The following BMP10 variants were observed in gnomAD, a reference collection of about 807,000 sequenced individuals.
BMP10 encodes bone morphogenetic protein 10.
BMP10 carries 9 observed loss-of-function variants against 29.9 expected under a neutral mutation model. The ratio of observed to expected loss-of-function variants is 0.30; its 90% CI spans 0.18 to 0.53. The LOEUF is 0.53. BMP10 is among the 20% of genes least tolerant of loss of function. BMP10 has a pLI of 0.96. For missense variants in BMP10, 474 were observed against 524.3 expected (o/e 0.90, Z 0.94); for synonymous variants, 202 against 200.2 (o/e 1.01, Z -0.07).
intron 1 of BMP10, among the ~76,000 whole-genome samples, chr2:68,868,867 T>C (rs905361112): frequency 2.0e-5 from 3 of 152,252 alleles, no homozygotes; most frequent in African/African-American, 7.2e-5. Flanking sequence ...ATGTTACATA[T>C]GTCAACACCT....
rs1682846673 is a variant in BMP10 at position 68,861,138 on chromosome 2, C to A, written c.*4493G>T. Among the ~76,000 whole-genome samples, 2 of 152,164 alleles carry A rather than the reference C, an allele frequency of 1.3e-5. No individual in the cohort carries two copies. Among genetic ancestry groups the A allele is most frequent in the South Asian group, 4.1e-4 (2 of 4,822 alleles). On this transcript the variant is annotated 3_prime_UTR_variant, in exon 2 of 2. Transcript: ENST00000295379. ...CACAGGGTAAAATATTTATTTCCAT[C>A]TTCATTTTAGTCTAGTGATAACTAT...
Position 68,863,085 on chromosome 2 carries a change from G to GGTGCTAATGTCAGCGGT in BMP10, c.*2529_*2545dup. On this transcript the variant is annotated 3_prime_UTR_variant, in exon 2 of 2. Coordinates refer to ENST00000295379, the MANE Select transcript of BMP10 (RefSeq NM_014482.3). ...CACATCCTTAACATTCTAGTATCAG[G>GGTGCTAATGTCAGCGGT]GTGCTAATGTCAGCGGTGTGCTAAT... Among the ~76,000 whole-genome samples the GGTGCTAATGTCAGCGGT allele has an allele frequency of 6.6e-6, 1 of 152,170 alleles. No homozygotes were observed. The highest frequency in any genetic ancestry group is 1.9e-4 in the East Asian group (1 of 5,194).
At chr2:68,867,011 G>A (rs567241259) in intron 1 of BMP10, among the ~76,000 whole-genome samples, 1 of 152,222 alleles carries the variant, frequency 6.6e-6, no homozygotes, top group South Asian at 2.1e-4. Flanking sequence ...TTTAATATTT[G>A]TGTTTGTAGT....
rs1022568074 is a variant in BMP10, at chr2:68,862,946, G to T, written c.*2685C>A. Among the ~76,000 whole-genome samples the T allele has an allele frequency of 1.3e-5, 2 of 152,144 alleles. No individual in the cohort carries two copies. Among genetic ancestry groups the T allele is most frequent in the African/African-American group, 4.8e-5 (2 of 41,436 alleles). ...AACAACTGGGCTATGCAGCCTGATCGCCAACAGCCTATATTTTCATATCTC... is the reference window on the plus strand; with the variant it reads ...AACAACTGGGCTATGCAGCCTGATCTCCAACAGCCTATATTTTCATATCTC... On this transcript the variant is annotated 3_prime_UTR_variant, in exon 2 of 2. Coordinates refer to ENST00000295379, the MANE Select transcript of BMP10 (RefSeq NM_014482.3).
At chr2:68,870,687 A>C (rs963738687) in intron 1 of BMP10, among the ~76,000 whole-genome samples, 2 of 152,244 alleles carry the variant, frequency 1.3e-5, no homozygotes, top group African/African-American at 4.8e-5. Context: ...ATCAAGGCCT[A>C]TTTGGAAAAT....
chr2:68,869,398 T>A (rs1367474130), intron 1 of BMP10, among the ~76,000 whole-genome samples: 1 of 152,204 alleles, frequency 6.6e-6, no homozygotes, highest in Non-Finnish European at 1.5e-5. Flanking sequence ...ATTTCTGTCC[T>A]CAGGCTGCAC....
chr2:68,869,485 A>C (rs1484979629), intron 1 of BMP10, among the ~76,000 whole-genome samples: 2 of 152,194 alleles, frequency 1.3e-5, no homozygotes, highest in Admixed American at 1.3e-4. Context: ...AATAATCTCC[A>C]GTAATAATAA....
rs142333690 is a variant in BMP10, at chr2:68,864,007, G to T, written c.*1624C>A. Among the ~76,000 whole-genome samples the T allele has an allele frequency of 2.4e-3, 362 of 152,238 alleles. 3 individuals are homozygous for T. Among genetic ancestry groups the T allele is most frequent in the African/African-American group, 8.5e-3 (352 of 41,542 alleles). On this transcript the variant is annotated 3_prime_UTR_variant, in exon 2 of 2. Transcript: ENST00000295379. The stretch of plus-strand genomic sequence containing the variant: ...GCTCTGCTCTGCTCTGGTTCCTCCT[G>T]CACAAAGCCCAGAATATGCTTGCCA...
Position 68,866,060 on chromosome 2 carries a change from C to T in BMP10, c.846G>A (p.Leu282=), listed in dbSNP as rs1682946121. 1 of 1,614,012 alleles carries T rather than the reference C, an allele frequency of 6.2e-7. No individual in the cohort carries two copies. Among genetic ancestry groups the T allele is most frequent in the Admixed American group, 1.7e-5 (1 of 59,984 alleles). Residue 282 remains leucine (L), a synonymous_variant, in exon 2 of 2, where the codon CTG becomes CTA. Coordinates refer to ENST00000295379, the MANE Select transcript of BMP10 (RefSeq NM_014482.3). ...AAAAGCTATCCAGGCCCAAGTTGTC[C>T]AGCTCTGGAAGTTGCTCATGGGAAA... ...EMISHEQLPE[L]DNLGLDSFSS...
At chr2:68,870,895 G>A (rs963492039) in intron 1 of BMP10, 130 bp downstream of exon 1, 4 of 800,108 alleles carry the variant, frequency 5.0e-6, no homozygotes, top group East Asian at 2.6e-5. Context: ...CCTTGTTTTT[G>A]TGTATCCATA....
Position 68,871,369 on chromosome 2 carries a change from G to A in BMP10, c.-11C>T, listed in dbSNP as rs749193147. 7 of 1,610,500 alleles carry A rather than the reference G, an allele frequency of 4.3e-6. No individual in the cohort carries two copies. Among genetic ancestry groups the A allele is most frequent in the East Asian group, 4.5e-5 (2 of 44,800 alleles). On this transcript the variant is annotated 5_prime_UTR_variant, in exon 1 of 2. Transcript: ENST00000295379. ...GACCAGAGAGCCCATGACTCCGCTCGAGCTCCTAGGCCAAGCCAGGAAGGT... is the reference window on the plus strand; with the variant it reads ...GACCAGAGAGCCCATGACTCCGCTCAAGCTCCTAGGCCAAGCCAGGAAGGT...
In BMP10 at chr2:68,861,850, G is replaced by A. The variant is rs1342565073; in HGVS notation, c.*3781C>T. Among the ~76,000 whole-genome samples, 1 of 152,086 alleles carries A rather than the reference G, an allele frequency of 6.6e-6. No homozygotes were observed. Among genetic ancestry groups the A allele is most frequent in the East Asian group, 1.9e-4 (1 of 5,194 alleles). On this transcript the variant is annotated 3_prime_UTR_variant, in exon 2 of 2. Transcript: ENST00000295379. ...TCCCCGGACCAAAATTTACACATCAGGAAAGAATTCGGCACTTTGGGGCTG... is the reference window on the plus strand; with the variant it reads ...TCCCCGGACCAAAATTTACACATCAAGAAAGAATTCGGCACTTTGGGGCTG...
In BMP10 at chr2:68,864,640, T is replaced by C. The variant is rs13401986; in HGVS notation, c.*991A>G. On this transcript the variant is annotated 3_prime_UTR_variant, in exon 2 of 2. Transcript: ENST00000295379. Reference sequence around the variant, plus strand: ...GAGACAAGGGAACAGTGTTAACAGGTGAAGAAAGATATTAACATCCTTTCT... The same window carrying C: ...GAGACAAGGGAACAGTGTTAACAGGCGAAGAAAGATATTAACATCCTTTCT... Among the ~76,000 whole-genome samples the C allele has an allele frequency of 0.1, 15,222 of 152,160 alleles. 1,036 individuals carry two copies. The highest frequency in any genetic ancestry group is 0.2 in the African/African-American group (8,142 of 41,476).
chr2:68,866,690 G>T, intron 1 of BMP10, 119 bp from the exon 2 acceptor site: 1 of 763,110 alleles, frequency 1.3e-6, no homozygotes, highest in Non-Finnish European at 2.1e-6. Context: ...AGAATGAAGG[G>T]AGAAAATCAA....
chr2:68,864,295 C>G lies in BMP10; in HGVS notation c.*1336G>C, dbSNP rs1231718068. 6.6e-6 allele frequency among the ~76,000 whole-genome samples: 1 copy of G among 152,136 alleles called. No homozygotes were observed. Among genetic ancestry groups the G allele is most frequent in the Admixed American group, 6.6e-5 (1 of 15,260 alleles). On this transcript the variant is annotated 3_prime_UTR_variant, in exon 2 of 2. Transcript: ENST00000295379. ...GTTTATTTAAATCCATTCATTTGGA[C>G]TCTGGTTTTCTTTTTCTTATACTTA...
At chr2:68,870,949 T>C in intron 1 of BMP10, 76 bp downstream of exon 1, 5 of 1,291,792 alleles carry the variant, frequency 3.9e-6, no homozygotes, top group Non-Finnish European at 5.5e-6. Flanking sequence ...CTTACCTATA[T>C]CATTCCCATG....
chr2:68,866,959 T>C (rs990381659), intron 1 of BMP10, among the ~76,000 whole-genome samples: 1 of 152,176 alleles, frequency 6.6e-6, no homozygotes, highest in African/African-American at 2.4e-5. Context: ...GTGGTGATTG[T>C]TCCTTTCTTG....
intron 1 of BMP10, among the ~76,000 whole-genome samples, chr2:68,866,907 C>A (rs1186731332): frequency 6.6e-6 from 1 of 152,136 alleles, no homozygotes; most frequent in Non-Finnish European, 1.5e-5. Flanking sequence ...GTGGGCAAGT[C>A]CCCAAATTTC....
rs6722398 is a variant in BMP10, at chr2:68,867,959, A to G, written c.335-1388T>C. On this transcript the variant is annotated intron_variant, in intron 1 of 1. Transcript: ENST00000295379. ...GAAAAATATACAATAATTTCACATGATTAATAGCTTTCTTTGGGTACCACC... is the reference window on the plus strand; with the variant it reads ...GAAAAATATACAATAATTTCACATGGTTAATAGCTTTCTTTGGGTACCACC... 4.5e-3 allele frequency among the ~76,000 whole-genome samples: 686 copies of G among 152,304 alleles called. 2 individuals carry two copies. Among genetic ancestry groups the G allele is most frequent in the African/African-American group, 0.015 (630 of 41,570 alleles).
Sources: gnomAD v4.1 joint callset for allele counts (sites outside exome capture counted in the v4.1 genomes callset) on GRCh38, gnomAD v4.1.1 for gene constraint, MANE v1.5 for transcripts, NCBI Gene and HGNC (gene_info 2026-07-23, HGNC 2026-07-21) for gene names.